RTL4: variants seen among roughly 807,000 people sequenced by gnomAD.
The protein encoded by RTL4 is retrotransposon Gag like 4.
RTL4 carries 4 observed loss-of-function variants against 5.3 expected under a neutral mutation model. The observed-to-expected ratio is 0.75, with a 90% CI of 0.37 to 1.72. The LOEUF (loss-of-function observed/expected upper bound fraction) is 1.72, where lower values mean the gene tolerates loss of function less well. RTL4 is among the 40% of genes most tolerant of loss of function. The pLI is 0.04. For missense variants in RTL4, 260 were observed against 227.1 expected (o/e 1.14, Z -0.93); for synonymous variants, 98 against 87.3 (o/e 1.12, Z -0.68).
chrX:112,437,649 T>C, the RTL4 span, among the ~76,000 whole-genome samples: 54 of 111,621 alleles, frequency 4.8e-4, no homozygotes, highest in African/African-American at 1.7e-3. Flanking sequence ...AGCAAGCCAC[T>C]AACCTTTCAG....
the RTL4 span, among the ~76,000 whole-genome samples, chrX:112,328,137 A>T: frequency 9.1e-6 from 1 of 109,815 alleles, no homozygotes; most frequent in East Asian, 2.8e-4. Flanking sequence ...TAATGACAGG[A>T]TCAAATTCAC....
At chrX:112,300,030 GAC>G in the RTL4 span, among the ~76,000 whole-genome samples, 32 of 111,351 alleles carry the variant, frequency 2.9e-4, no homozygotes, top group African/African-American at 1.0e-3. Context: ...AATAATTGGT[GAC>G]AGTTTTGTAT....
At chrX:112,224,320 T>G in the RTL4 span, among the ~76,000 whole-genome samples, 1 of 103,156 alleles carries the variant, frequency 9.7e-6, no homozygotes, top group Non-Finnish European at 2.0e-5. Context: ...ATTTATTTAT[T>G]TATTTATTTA....
the RTL4 span, among the ~76,000 whole-genome samples, chrX:112,221,003 C>T: frequency 8.9e-6 from 1 of 112,069 alleles, no homozygotes; most frequent in Non-Finnish European, 1.9e-5. Flanking sequence ...ATAGCAATAC[C>T]CTACTCTCAG....
At chrX:112,173,403 T>C in the RTL4 span, among the ~76,000 whole-genome samples, 3 of 111,332 alleles carry the variant, frequency 2.7e-5, no homozygotes, top group African/African-American at 9.8e-5. Context: ...TGGGTCCTAA[T>C]CCCAGCTCTG....
At chrX:112,083,904 G>T in the RTL4 span, among the ~76,000 whole-genome samples, 2 of 110,735 alleles carry the variant, frequency 1.8e-5, no homozygotes, top group Non-Finnish European at 3.8e-5. Context: ...TGGCCTGGCC[G>T]CACAGCCCCA....
At chrX:112,213,209 T>C in the RTL4 span, among the ~76,000 whole-genome samples, 1 of 112,899 alleles carries the variant, frequency 8.9e-6, no homozygotes, top group Non-Finnish European at 1.9e-5. Flanking sequence ...GGGCCACAAG[T>C]TTACTATGTA....
the RTL4 span, among the ~76,000 whole-genome samples, chrX:112,210,979 C>T: frequency 2.7e-5 from 3 of 112,089 alleles, no homozygotes; most frequent in Non-Finnish European, 3.8e-5. Context: ...GGAAGCTATT[C>T]GTTCAAAACA....
the RTL4 span, among the ~76,000 whole-genome samples, chrX:112,114,873 C>T: frequency 2.7e-5 from 3 of 111,379 alleles, no homozygotes; most frequent in East Asian, 8.5e-4. Flanking sequence ...ATTTGCCTTC[C>T]CTCTTACAGA....
At chrX:112,346,488 T>C in the RTL4 span, among the ~76,000 whole-genome samples, 9 of 111,890 alleles carry the variant, frequency 8.0e-5, no homozygotes, top group African/African-American at 2.9e-4. Flanking sequence ...GTCATACCCT[T>C]GTGATACCCC....
the RTL4 span, among the ~76,000 whole-genome samples, chrX:112,351,169 G>C: frequency 9.0e-6 from 1 of 110,903 alleles, no homozygotes; most frequent in Non-Finnish European, 1.9e-5. Flanking sequence ...CCATGTAGTT[G>C]AGTGGTTTTG....
chrX:112,282,043 A>G, the RTL4 span, among the ~76,000 whole-genome samples: 4 of 112,070 alleles, frequency 3.6e-5, no homozygotes, highest in African/African-American at 1.3e-4. Context: ...TTGTGGTCAT[A>G]TCCAAAATAT....
At chrX:112,326,815 G>A in the RTL4 span, among the ~76,000 whole-genome samples, 1 of 111,454 alleles carries the variant, frequency 9.0e-6, no homozygotes, top group Non-Finnish European at 1.9e-5. Flanking sequence ...ATCTGAGAAC[G>A]GGCAGACTGC....
the RTL4 span, among the ~76,000 whole-genome samples, chrX:112,325,354 G>A: frequency 9.0e-6 from 1 of 111,707 alleles, no homozygotes; most frequent in African/African-American, 3.3e-5. Flanking sequence ...TCAATCCTAA[G>A]CCAAAAGAAC....
At chrX:112,349,133 T>C in the RTL4 span, among the ~76,000 whole-genome samples, 1 of 110,880 alleles carries the variant, frequency 9.0e-6, no homozygotes, top group Non-Finnish European at 1.9e-5. Context: ...TACTACACTA[T>C]TTAAAAAAGA....
At chrX:112,203,620 CCACTGATACAA>C in the RTL4 span, among the ~76,000 whole-genome samples, 1 of 111,122 alleles carries the variant, frequency 9.0e-6, no homozygotes, top group Admixed American at 9.6e-5. Flanking sequence ...GTCTGTCCCT[CCACTGATACAA>C]CTCTGTCTTG....
chrX:112,248,358 A>G, the RTL4 span, among the ~76,000 whole-genome samples: 3 of 112,547 alleles, frequency 2.7e-5, no homozygotes, highest in Non-Finnish European at 5.6e-5. Flanking sequence ...TTGAGTAGCC[A>G]GATTTTCAGT....
At chrX:112,098,110 T>TC in the RTL4 span, among the ~76,000 whole-genome samples, 1 of 48,274 alleles carries the variant, frequency 2.1e-5, no homozygotes, top group Non-Finnish European at 3.8e-5. Context: ...CTCTCCCCCC[T>TC]CCCCCCACCC....
At chrX:112,116,529 C>A in the RTL4 span, among the ~76,000 whole-genome samples, 1 of 111,606 alleles carries the variant, frequency 9.0e-6, no homozygotes, top group African/African-American at 3.3e-5. Flanking sequence ...CTGATTGGTC[C>A]ATTTTACAGA....
Sources: gnomAD v4.1 joint callset for allele counts (sites outside exome capture counted in the v4.1 genomes callset) on GRCh38, gnomAD v4.1.1 for gene constraint, MANE v1.5 for transcripts, NCBI Gene and HGNC (gene_info 2026-07-23, HGNC 2026-07-21) for gene names.